RAD21: variants seen among roughly 807,000 people sequenced by gnomAD.
The protein encoded by RAD21 is RAD21 cohesin complex component, also known as double-strand-break repair protein rad21 homolog.
RAD21 carries 18 observed loss-of-function variants against 71.5 expected under a neutral mutation model. The ratio of observed to expected loss-of-function variants is 0.25; its 90% CI spans 0.17 to 0.37. The LOEUF (loss-of-function observed/expected upper bound fraction) is 0.37. Ranked by LOEUF, RAD21 falls within the 10% of genes least tolerant of loss-of-function variation. RAD21 has a pLI of 1.00. For synonymous variants in RAD21, 248 were observed against 254.0 expected (o/e 0.98, Z 0.22); for missense variants, 493 against 769.1 (o/e 0.64, Z 4.25).
chr8:116,861,060 A>G (rs1262153078), intron 4 of RAD21, among the ~76,000 whole-genome samples: 1 of 152,162 alleles, frequency 6.6e-6, no homozygotes, highest in Non-Finnish European at 1.5e-5. Flanking sequence ...AAATTTTCAA[A>G]TAAAATGTCA....
chr8:116,852,711 A>G lies in RAD21; in HGVS notation c.1162-3T>C, dbSNP rs1363548488. ...GGTGTAAGACAGCGTGTAAAGAGCT[A>G]TTAAAAAAAAAAAAAAGAAAAATTT... On this transcript the variant is annotated splice_region_variant and splice_polypyrimidine_tract_variant and intron_variant, in intron 9 of 13. Coordinates refer to ENST00000297338, the MANE Select transcript of RAD21 (RefSeq NM_006265.3). The G allele has an allele frequency of 6.2e-6, 9 of 1,454,812 alleles. No individual in the cohort carries two copies. The highest frequency in any genetic ancestry group is 9.1e-7 in the Non-Finnish European group (1 of 1,102,072). 90.1% of individuals were successfully genotyped at this position (1,454,812 alleles called of 1,614,324 possible).
intron 8 of RAD21, among the ~76,000 whole-genome samples, chr8:116,854,940 A>C (rs936560872): frequency 2.0e-5 from 3 of 152,198 alleles, no homozygotes; most frequent in African/African-American, 7.2e-5. Context: ...TGATAGAATG[A>C]AACAAGCCCA....
chr8:116,855,990 A>G (rs530468958), intron 8 of RAD21, among the ~76,000 whole-genome samples, 176 bp downstream of exon 8: 6 of 147,554 alleles, frequency 4.1e-5, no homozygotes, highest in Admixed American at 4.0e-4. Context: ...GTGACATAAA[A>G]GCAAGAAGCT....
Position 116,857,267 on chromosome 8 carries a change from C to A in RAD21, c.688G>T (p.Asp230Tyr). Residue 230 changes from aspartate to tyrosine, a missense_variant and splice_region_variant, in exon 6 of 14, where the codon GAT (aspartate) becomes TAT (tyrosine). Transcript: ENST00000297338. ...FGEGNDGGIL[D>Y]DKLISNNDGG... ...TGGAATAACCATCATTCCCACATAC[C>A]TAATATTCCACCATCATTTCCTTCT... 6.2e-7 allele frequency: 1 copy of A among 1,600,796 alleles called. No individual in the cohort carries two copies. The highest frequency in any genetic ancestry group is 1.1e-5 in the South Asian group (1 of 90,668).
At position 116,857,479 on chromosome 8, in the gene RAD21, C is replaced by A. The variant is rs776839136; in HGVS notation, c.482-6G>T. ...ATCATCCATTCCAAAATCACCTAAACAAATTTTAATTTGTCATTAGTTTAG... is the reference window on the plus strand; with the variant it reads ...ATCATCCATTCCAAAATCACCTAAAAAAATTTTAATTTGTCATTAGTTTAG... On this transcript the variant is annotated splice_region_variant and splice_polypyrimidine_tract_variant and intron_variant, in intron 5 of 13. Coordinates refer to ENST00000297338, the MANE Select transcript of RAD21 (RefSeq NM_006265.3). The A allele has an allele frequency of 6.2e-7, 1 of 1,609,796 alleles. No homozygotes were observed. Among genetic ancestry groups the A allele is most frequent in the Middle Eastern group, 1.7e-4 (1 of 5,894 alleles).
At chr8:116,848,903 G>T in intron 13 of RAD21, 43 bp downstream of exon 13, 1 of 1,517,362 alleles carries the variant, frequency 6.6e-7, no homozygotes. Flanking sequence ...AATGGCAAAA[G>T]CCTTTGATGA....
rs1218791603 is a variant in RAD21 at position 116,851,985 on chromosome 8, C to T, written c.1433G>A (p.Arg478Gln). 2 of 1,610,836 alleles carry T rather than the reference C, an allele frequency of 1.2e-6. No individual in the cohort carries two copies. Among genetic ancestry groups the T allele is most frequent in the Non-Finnish European group, 1.7e-6 (2 of 1,177,616 alleles). Residue 478 changes from arginine (R) to glutamine (Q), a missense_variant, in exon 11 of 14, where the codon CGA (arginine) becomes CAA (glutamine). Transcript: ENST00000297338. ...CTCTGGGTCAATTTGTCCAGCTTTT[C>T]GCTTAACTCCCTGAGGTGGTGGTGG... ...MPPPPPQGVK[R>Q]KAGQIDPEPV...
At chr8:116,869,496 G>A (rs1202285767) in intron 1 of RAD21, among the ~76,000 whole-genome samples, 3 of 152,116 alleles carry the variant, frequency 2.0e-5, no homozygotes, top group African/African-American at 2.4e-5. Context: ...GAGGCAGGAG[G>A]ATTGCTTGAA....
intron 4 of RAD21, among the ~76,000 whole-genome samples, chr8:116,858,862 T>C (rs1812525977): frequency 6.6e-6 from 1 of 151,920 alleles, no homozygotes; most frequent in East Asian, 1.9e-4. Context: ...TCTCATATAG[T>C]TTAAAAATAC....
intron 1 of RAD21, among the ~76,000 whole-genome samples, chr8:116,868,546 A>ATGTT (rs1159723131): frequency 6.6e-6 from 1 of 152,144 alleles, no homozygotes; most frequent in Non-Finnish European, 1.5e-5. Context: ...TGTTAAGTAT[A>ATGTT]TGTTTAGTTT....
chr8:116,871,350 G>T (rs1812819759), intron 1 of RAD21, among the ~76,000 whole-genome samples: 1 of 152,088 alleles, frequency 6.6e-6, no homozygotes, highest in Non-Finnish European at 1.5e-5. Context: ...TTCTAAAGCG[G>T]CAAGCAGTTT....
chr8:116,862,659 T>C (rs1428204940), intron 3 of RAD21, among the ~76,000 whole-genome samples: 2 of 152,176 alleles, frequency 1.3e-5, no homozygotes, highest in Non-Finnish European at 1.5e-5. Flanking sequence ...ATTATCTTCT[T>C]AGATGGTGGT....
intron 1 of RAD21, among the ~76,000 whole-genome samples, chr8:116,867,293 G>A (rs186222016): frequency 6.6e-6 from 1 of 152,138 alleles, no homozygotes. Flanking sequence ...CCATTTTACA[G>A]GTGGGTAGTT....
At chr8:116,866,326 G>C (rs1006157233) in intron 2 of RAD21, among the ~76,000 whole-genome samples, 1 of 151,174 alleles carries the variant, frequency 6.6e-6, no homozygotes, top group Non-Finnish European at 1.5e-5. Context: ...CAATATTTGG[G>C]CATTGCCCTG....
At chr8:116,852,182 T>A in intron 10 of RAD21, 86 bp from the exon 11 acceptor site, 1 of 1,195,212 alleles carries the variant, frequency 8.4e-7, no homozygotes, top group Non-Finnish European at 1.1e-6. Flanking sequence ...ACTAGTACAC[T>A]AAGACATACA....
At chr8:116,862,998 G>A (rs1445944758) in intron 3 of RAD21, 132 bp downstream of exon 3, 1 of 1,209,636 alleles carries the variant, frequency 8.3e-7, no homozygotes, top group Non-Finnish European at 1.1e-6. Context: ...CTCTATCTTT[G>A]AAGGGTTCCT....
At chr8:116,868,598 T>C (rs1026056423) in intron 1 of RAD21, among the ~76,000 whole-genome samples, 48 of 152,152 alleles carry the variant, frequency 3.2e-4, no homozygotes, top group African/African-American at 1.2e-3. Flanking sequence ...AGTTTTTTTA[T>C]ATTTATAGGC....
rs185051166 is a variant in RAD21, at chr8:116,872,075, C to A, written c.-33+2536G>T. 3.3e-3 allele frequency among the ~76,000 whole-genome samples: 504 copies of A among 151,636 alleles called. 4 individuals are homozygous for A. The highest frequency in any genetic ancestry group is 0.011 in the African/African-American group (474 of 41,346). On this transcript the variant is annotated intron_variant, in intron 1 of 13. Transcript: ENST00000297338. ...GATCAAAAATTGTTGGAGGGGGGGA[C>A]AAAAAAACACAATAATAAAAAATAC...
At chr8:116,861,992 G>A (rs752404136) in intron 3 of RAD21, 52 bp from the exon 4 acceptor site, 36 of 1,369,210 alleles carry the variant, frequency 2.6e-5, no homozygotes, top group Non-Finnish European at 3.5e-5. Context: ...AATTATCTAG[G>A]GATCAGAGGG....
Sources: gnomAD v4.1 joint callset for allele counts (sites outside exome capture counted in the v4.1 genomes callset) on GRCh38, gnomAD v4.1.1 for gene constraint, MANE v1.5 for transcripts, NCBI Gene and HGNC (gene_info 2026-07-23, HGNC 2026-07-21) for gene names.